The following SMARCD2 variants were observed in gnomAD, a reference collection of about 807,000 sequenced individuals.
The protein encoded by SMARCD2 is SWI/SNF-related matrix-associated actin-dependent regulator of chromatin subfamily D member 2.
A neutral mutation model predicts 70.4 loss-of-function variants in SMARCD2; 39 were observed. The observed-to-expected ratio is 0.55, with a 90% CI of 0.43 to 0.72. The LOEUF (loss-of-function observed/expected upper bound fraction) is 0.72. Among genes scored for constraint, SMARCD2 ranks in the 30% least tolerant of loss-of-function variants. The probability of loss-of-function intolerance (pLI) is 0.00; values close to 1 mark genes in which losing one functional copy is unlikely to be tolerated. For synonymous variants in SMARCD2, 249 were observed against 279.4 expected, an observed-to-expected ratio of 0.89 and a Z score of 1.08; for missense variants, 540 against 713.4, an observed-to-expected ratio of 0.76 and a Z score of 2.77.
chr17:63,835,386 C>T, intron 5 of SMARCD2, 26 bp downstream of exon 5: 3 of 1,605,944 alleles, frequency 1.9e-6, no homozygotes, highest in Non-Finnish European at 2.6e-6. Flanking sequence ...GCCTCCTTCC[C>T]TCCAGAACCT....
At chr17:63,835,638 C>T in intron 4 of SMARCD2, 71 bp from the exon 5 acceptor site, 1 of 1,450,108 alleles carries the variant, frequency 6.9e-7, no homozygotes, top group Non-Finnish European at 9.5e-7. Flanking sequence ...CGCATCTTCT[C>T]ATATGAACCA....
At position 63,834,489 on chromosome 17, in the gene SMARCD2, G is replaced by A; in HGVS notation, c.906C>T (p.Leu302=). The change falls in exon 7 of 13, where the codon CTC becomes CTT. Residue 302 remains leucine (L), a synonymous_variant. Coordinates refer to ENST00000448276, the MANE Select transcript of SMARCD2 (RefSeq NM_001098426.2). This position sits in a 1 kb window ranked among gnomAD's most constrained non-coding sequence, Gnocchi z 5.6. The stretch of plus-strand genomic sequence containing the variant: ...TCTCTGTCACCTGATGATCCAGCAT[G>A]AGCAGGAGGGTGCACTTGACGTTGA... ...GDLNVKCTLL[L]MLDHQPPQYK... is the part of the protein sequence containing the mutation. The A allele has an allele frequency of 6.3e-7, 1 of 1,596,360 alleles. No homozygotes were observed. The highest frequency in any genetic ancestry group is 8.6e-7 in the Non-Finnish European group (1 of 1,167,638).
At chr17:63,839,265 G>A in intron 1 of SMARCD2, 1 of 985,262 alleles carries the variant, frequency 1.0e-6, no homozygotes, top group Non-Finnish European at 1.2e-6. Context: ...AACTGAAGCA[G>A]TGGGTCCTGC....
At chr17:63,836,155 A>AC (rs2040262789) in intron 4 of SMARCD2, among the ~76,000 whole-genome samples, 1 of 151,714 alleles carries the variant, frequency 6.6e-6, no homozygotes, top group African/African-American at 2.4e-5. Context: ...AAACCCAAAC[A>AC]CCCATCACGG....
chr17:63,838,983 G>C, intron 1 of SMARCD2: 1 of 985,352 alleles, frequency 1.0e-6, no homozygotes, highest in Non-Finnish European at 1.2e-6. Context: ...ATGGGGAGAG[G>C]AGGAGCAGGG....
At position 63,842,685 on chromosome 17, in the gene SMARCD2, C is replaced by T. The variant is rs1904520681; in HGVS notation, c.-11G>A. On this transcript the variant is annotated 5_prime_UTR_variant, in exon 1 of 13. Transcript: ENST00000448276. The stretch of plus-strand genomic sequence containing the variant: ...GCCTCGGCCCGACATCGCTCCGTCC[C>T]GTCCCGCGGTGCCGCGATCCGGACT... The T allele has an allele frequency of 1.5e-6, 2 of 1,314,006 alleles. No individual in the cohort carries two copies. Among genetic ancestry groups the T allele is most frequent in the Admixed American group, 3.5e-5 (1 of 28,938 alleles). The allele number at this position is 1,314,006 out of a possible 1,614,324, so 81.4% of individuals were successfully genotyped here.
intron 4 of SMARCD2, among the ~76,000 whole-genome samples, chr17:63,835,831 C>T (rs774487786): frequency 2.0e-5 from 3 of 151,970 alleles, no homozygotes; most frequent in African/African-American, 7.3e-5. Context: ...CAGGTTCAAG[C>T]GATTCTCTTG....
In SMARCD2 at chr17:63,834,108, T is replaced by TAGCC; in HGVS notation, c.1083+55_1083+58dup. ...CAGTCTGCAGGCTGTGGCCAAGGAG[T>TAGCC]AGCCCAGCAGGCAAGGCAAAGCAAG... On this transcript the variant is annotated intron_variant, in intron 8 of 12. Coordinates refer to ENST00000448276, the MANE Select transcript of SMARCD2 (RefSeq NM_001098426.2). The surrounding 1 kb of genome is among the most constrained non-coding windows in gnomAD (Gnocchi z 5.6). The TAGCC allele has an allele frequency of 6.2e-7, 1 of 1,601,340 alleles. No individual in the cohort carries two copies. Among genetic ancestry groups the TAGCC allele is most frequent in the East Asian group, 2.2e-5 (1 of 44,674 alleles).
chr17:63,842,408 G>A (rs1904504316), intron 1 of SMARCD2, 51 bp downstream of exon 1: 1 of 1,306,144 alleles, frequency 7.7e-7, no homozygotes, highest in Non-Finnish European at 9.8e-7. Flanking sequence ...GCCGGCCCGG[G>A]CGCCCTCGCA....
In SMARCD2 at chr17:63,834,156, A is replaced by G. The variant is rs781293560; in HGVS notation, c.1083+11T>C. On this transcript the variant is annotated intron_variant, in intron 8 of 12. Transcript: ENST00000448276. The surrounding 1 kb of genome is among the most constrained non-coding windows in gnomAD (Gnocchi z 5.6). ...AAGGGCTGAGAAAACGGGGGCTGGC[A>G]TCTGGCTAACCTGGCGGAAGTAACG... is the stretch of plus-strand genomic sequence containing the variant. 1.2e-6 allele frequency: 2 copies of G among 1,609,194 alleles called. No individual in the cohort carries two copies. The highest frequency in any genetic ancestry group is 2.2e-5 in the South Asian group (2 of 90,622).
chr17:63,832,252 C>A lies in SMARCD2; in HGVS notation c.*686G>T. Reference sequence around the variant, plus strand: ...CACATACCCCATACCTCAGGCCATGCTAGAGAACTGGAGTGTCCCCTCCCC... The same window carrying A: ...CACATACCCCATACCTCAGGCCATGATAGAGAACTGGAGTGTCCCCTCCCC... On this transcript the variant is annotated 3_prime_UTR_variant, in exon 13 of 13. Transcript: ENST00000448276. 4.1e-6 allele frequency: 2 copies of A among 489,008 alleles called. No individual in the cohort carries two copies. The highest frequency in any genetic ancestry group is 7.5e-6 in the Non-Finnish European group (2 of 268,402). The allele number at this position is 489,008 out of a possible 1,614,324, so 30.3% of individuals were successfully genotyped here. A position where few individuals can be genotyped will look rare whatever the true frequency, so the allele number is the denominator to read the frequency against.
chr17:63,839,666 G>A (rs1381141364), intron 1 of SMARCD2, among the ~76,000 whole-genome samples: 1 of 151,468 alleles, frequency 6.6e-6, no homozygotes, highest in Non-Finnish European at 1.5e-5. Context: ...CTAACTCCCT[G>A]CCTGCAGCAG....
At chr17:63,838,968 T>C (rs1008929972) in intron 1 of SMARCD2, 1 of 984,884 alleles carries the variant, frequency 1.0e-6, no homozygotes. Flanking sequence ...CCCACAGACG[T>C]GAGGATGGGG....
Position 63,834,515 on chromosome 17 carries a change from G to C in SMARCD2, c.880C>G (p.Leu294Val), listed in dbSNP as rs934778622. Residue 294 changes from leucine to valine, a missense_variant, in exon 7 of 13, where the codon CTC (leucine) becomes GTC (valine). Coordinates refer to ENST00000448276, the MANE Select transcript of SMARCD2 (RefSeq NM_001098426.2). This position sits in a 1 kb window ranked among gnomAD's most constrained non-coding sequence, Gnocchi z 5.6. ...DGFQVKRPGDLNVKCTLLLML... is the reference protein window; with the variant it reads ...DGFQVKRPGDVNVKCTLLLML... ...AGCAGGAGGGTGCACTTGACGTTGA[G>C]GTCTCCAGGCCGTTTTACTTGGAAG... 6.2e-7 allele frequency: 1 copy of C among 1,605,598 alleles called. No individual in the cohort carries two copies. Among genetic ancestry groups the C allele is most frequent in the Non-Finnish European group, 8.5e-7 (1 of 1,174,078 alleles).
Position 63,833,546 on chromosome 17 carries a change from A to G in SMARCD2, c.1317+41T>C, listed in dbSNP as rs1426262809. 1 of 1,613,514 alleles carries G rather than the reference A, an allele frequency of 6.2e-7. No homozygotes were observed. The highest frequency in any genetic ancestry group is 8.5e-7 in the Non-Finnish European group (1 of 1,179,590). On this transcript the variant is annotated intron_variant, in intron 10 of 12. Coordinates refer to ENST00000448276, the MANE Select transcript of SMARCD2 (RefSeq NM_001098426.2). The surrounding 1 kb of genome is among the most constrained non-coding windows in gnomAD (Gnocchi z 4.3). ...TGCTGGACAGAGCCAGCCCACCCCA[A>G]TCCTGGGCCCCAGAGGAAGCTGTGG...
chr17:63,838,804 A>T, intron 1 of SMARCD2: 1 of 1,271,274 alleles, frequency 7.9e-7, no homozygotes, highest in Non-Finnish European at 9.9e-7. Flanking sequence ...CAAGCCCGGC[A>T]GGGTGGAGAC....
intron 1 of SMARCD2, among the ~76,000 whole-genome samples, chr17:63,841,852 T>G (rs1490819808): frequency 6.6e-6 from 1 of 152,194 alleles, no homozygotes; most frequent in Non-Finnish European, 1.5e-5. Context: ...GTCTCTGGTC[T>G]AAGCTGGAGT....
intron 1 of SMARCD2, chr17:63,838,855 G>A (rs1904325920): frequency 8.0e-7 from 1 of 1,247,230 alleles, no homozygotes; most frequent in Non-Finnish European, 1.0e-6. Flanking sequence ...CCAGCATCAT[G>A]GAGATGAGAT....
chr17:63,835,763 T>C (rs1300505197), intron 4 of SMARCD2, 196 bp from the exon 5 acceptor site: 2 of 475,896 alleles, frequency 4.2e-6, no homozygotes, highest in African/African-American at 2.0e-5. Flanking sequence ...GGTCTCACTC[T>C]GTCACCCAGG....
Sources: allele counts gnomAD v4.1 joint callset (sites outside exome capture counted in the v4.1 genomes callset), GRCh38; gene constraint gnomAD v4.1.1; non-coding constraint Gnocchi (gnomAD v3.1); transcripts MANE v1.5; gene names NCBI Gene and HGNC (gene_info 2026-07-23, HGNC 2026-07-21).